MCEE: variants seen among roughly 807,000 people sequenced by gnomAD.
MCEE encodes the protein methylmalonyl-CoA epimerase, mitochondrial.
MCEE carries 6 observed loss-of-function variants against 12.9 expected under a neutral mutation model. The ratio of observed to expected loss-of-function variants is 0.47; its 90% CI spans 0.26 to 0.92. The LOEUF (loss-of-function observed/expected upper bound fraction) is 0.92. MCEE is among the 40% of genes least tolerant of loss of function. MCEE has a pLI of 0.16. For synonymous variants in MCEE, 78 were observed against 77.9 expected (o/e 1.00, Z -0.01); for missense variants, 214 against 212.1 (o/e 1.01, Z -0.05).
chr2:71,127,514 C>G (rs1022597220), intron 1 of MCEE, among the ~76,000 whole-genome samples: 9 of 152,182 alleles, frequency 5.9e-5, no homozygotes, highest in African/African-American at 2.2e-4. Flanking sequence ...AGTTTTTAAA[C>G]AGACTTAAAA....
chr2:71,129,251 A>C (rs535142560), intron 1 of MCEE, among the ~76,000 whole-genome samples: 1 of 152,352 alleles, frequency 6.6e-6, no homozygotes, highest in Admixed American at 6.5e-5. Context: ...TAAAGTGTGC[A>C]GTTCTAAAAA....
chr2:71,120,864 A>C (rs1673086455), intron 2 of MCEE, among the ~76,000 whole-genome samples: 1 of 151,978 alleles, frequency 6.6e-6, no homozygotes, highest in South Asian at 2.1e-4. Context: ...CAGCCTCCCA[A>C]GTAGCTGGAA....
chr2:71,130,010 C>A, intron 1 of MCEE, 170 bp downstream of exon 1: 1 of 709,348 alleles, frequency 1.4e-6, no homozygotes, highest in Non-Finnish European at 2.6e-6. Flanking sequence ...TAAGCGGTGG[C>A]GCTTCTGGAA....
chr2:71,117,591 C>T (rs777333463), intron 2 of MCEE: 1 of 150,172 alleles, frequency 6.7e-6, no homozygotes, highest in African/African-American at 2.5e-5. Context: ...AAAAGATCTG[C>T]AAAACATATA....
At chr2:71,126,239 T>A (rs1298533738) in intron 1 of MCEE, among the ~76,000 whole-genome samples, 1 of 152,176 alleles carries the variant, frequency 6.6e-6, no homozygotes, top group African/African-American at 2.4e-5. Flanking sequence ...TATTATTTAT[T>A]TATTTTGAGA....
chr2:71,128,711 G>C (rs35759433), intron 1 of MCEE, among the ~76,000 whole-genome samples: 42,754 of 151,800 alleles, frequency 0.28, 7,080 homozygotes, highest in East Asian at 0.66. Flanking sequence ...TGTATTTTTA[G>C]TAGAGACGGG....
intron 2 of MCEE, among the ~76,000 whole-genome samples, chr2:71,114,385 G>C (rs1672951243): frequency 6.6e-6 from 1 of 152,014 alleles, no homozygotes; most frequent in Admixed American, 6.6e-5. Flanking sequence ...TCCTAGATGG[G>C]ATCCTGGAAT....
intron 2 of MCEE, among the ~76,000 whole-genome samples, chr2:71,120,046 C>T (rs1673067947): frequency 6.7e-6 from 1 of 149,814 alleles, no homozygotes; most frequent in African/African-American, 2.5e-5. Flanking sequence ...CAGTGAGACC[C>T]TCTCTCTGAA....
At chr2:71,126,177 G>A (rs1056473761) in intron 1 of MCEE, among the ~76,000 whole-genome samples, 1 of 152,164 alleles carries the variant, frequency 6.6e-6, no homozygotes, top group South Asian at 2.1e-4. Context: ...ATAGACAAAT[G>A]TGATAGTTGC....
At chr2:71,130,104 G>A (rs1250607058) in intron 1 of MCEE, 76 bp downstream of exon 1, 2 of 1,456,348 alleles carry the variant, frequency 1.4e-6, no homozygotes, top group Non-Finnish European at 1.9e-6. Context: ...TGGCCACGCC[G>A]AGGCCTCCTC....
intron 2 of MCEE, among the ~76,000 whole-genome samples, chr2:71,122,156 C>T (rs572787516): frequency 2.0e-5 from 3 of 152,198 alleles, no homozygotes; most frequent in African/African-American, 7.2e-5. Context: ...GACAGGGTCT[C>T]GCTCTTTCAT....
Position 71,118,794 on chromosome 2 carries a change from T to C in MCEE, c.378+5412A>G, listed in dbSNP as rs1267070769. Among the ~76,000 whole-genome samples the C allele has an allele frequency of 2.0e-5, 3 of 149,962 alleles. No homozygotes were observed. The East Asian group carries it at 5.8e-4, about 29-fold the overall frequency. ...ATGAATTTTGAGGGGACATAAGCAT[T>C]TAGTTCTAAGCTGGCCTCCCATGCT... is the stretch of plus-strand genomic sequence containing the variant. On this transcript the variant is annotated intron_variant, in intron 2 of 2. Coordinates refer to ENST00000244217, the MANE Select transcript of MCEE (RefSeq NM_032601.4).
chr2:71,126,997 T>C (rs1673247894), intron 1 of MCEE, among the ~76,000 whole-genome samples: 2 of 152,230 alleles, frequency 1.3e-5, no homozygotes, highest in African/African-American at 2.4e-5. Context: ...AATTGCATTA[T>C]TTTGAATTCT....
intron 2 of MCEE, among the ~76,000 whole-genome samples, chr2:71,121,491 A>G (rs978781057): frequency 1.3e-5 from 2 of 152,338 alleles, no homozygotes; most frequent in Non-Finnish European, 2.9e-5. Flanking sequence ...ATAGCACCTA[A>G]CTAACCACTG....
At chr2:71,130,112 C>T (rs1202656840) in intron 1 of MCEE, 68 bp downstream of exon 1, 1 of 1,526,356 alleles carries the variant, frequency 6.6e-7, no homozygotes, top group African/African-American at 1.4e-5. Context: ...CCGAGGCCTC[C>T]TCCGCCCCCG....
chr2:71,119,458 G>A (rs182115370), intron 2 of MCEE, among the ~76,000 whole-genome samples: 5 of 150,526 alleles, frequency 3.3e-5, no homozygotes, highest in Non-Finnish European at 2.9e-5. Context: ...ATGCGGTGTG[G>A]GACTGTATTT....
At chr2:71,123,627 G>A (rs188908370) in intron 2 of MCEE, among the ~76,000 whole-genome samples, 31 of 152,248 alleles carry the variant, frequency 2.0e-4, no homozygotes, top group African/African-American at 7.0e-4. Context: ...GCAGTTATCT[G>A]AACATGAACA....
chr2:71,113,407 T>C (rs1672928115), intron 2 of MCEE, among the ~76,000 whole-genome samples: 1 of 152,284 alleles, frequency 6.6e-6, no homozygotes, highest in Non-Finnish European at 1.5e-5. Flanking sequence ...TGGCTTCTAA[T>C]ACCATTCTCC....
At chr2:71,125,702 C>G (rs1443677350) in intron 1 of MCEE, among the ~76,000 whole-genome samples, 2 of 152,078 alleles carry the variant, frequency 1.3e-5, no homozygotes, top group African/African-American at 4.8e-5. Flanking sequence ...TTCTTGATCT[C>G]CACAGATAAC....
Sources: gnomAD v4.1 joint callset for allele counts (sites outside exome capture counted in the v4.1 genomes callset) on GRCh38, gnomAD v4.1.1 for gene constraint, MANE v1.5 for transcripts, NCBI Gene and HGNC (gene_info 2026-07-23, HGNC 2026-07-21) for gene names.